FCHO2: variants seen among roughly 807,000 people sequenced by gnomAD.
FCHO2 encodes the protein F-BAR domain only protein 2.
FCHO2 carries 43 observed loss-of-function variants against 114.1 expected under a neutral mutation model. The observed-to-expected ratio is 0.38, with a 90% confidence interval of 0.30 to 0.49. The LOEUF (loss-of-function observed/expected upper bound fraction) is 0.49. FCHO2 is among the 20% of genes least tolerant of loss of function. FCHO2 has a pLI of 0.97. For missense variants in FCHO2, 807 were observed against 950.4 expected, an observed-to-expected ratio of 0.85 and a Z score of 1.98; for synonymous variants, 293 against 315.2, an observed-to-expected ratio of 0.93 and a Z score of 0.75.
At chr5:73,064,401 C>T (rs1757973296) in intron 18 of FCHO2, among the ~76,000 whole-genome samples, 2 of 151,998 alleles carry the variant, frequency 1.3e-5, no homozygotes, top group South Asian at 4.1e-4. Flanking sequence ...AAAGTACATG[C>T]ATGGGTGGGA....
chr5:73,034,988 A>G (rs1756423806), intron 9 of FCHO2, among the ~76,000 whole-genome samples: 1 of 152,190 alleles, frequency 6.6e-6, no homozygotes, highest in African/African-American at 2.4e-5. Flanking sequence ...CTTCATTGAC[A>G]TCCATGTTTA....
At chr5:73,064,995 G>T (rs1352218030) in intron 18 of FCHO2, among the ~76,000 whole-genome samples, 1 of 151,790 alleles carries the variant, frequency 6.6e-6, no homozygotes, top group Non-Finnish European at 1.5e-5. Context: ...ACCTTTACTG[G>T]GCTATTCCTT....
At chr5:73,079,837 A>T (rs1262655687) in intron 22 of FCHO2, among the ~76,000 whole-genome samples, 1 of 152,212 alleles carries the variant, frequency 6.6e-6, no homozygotes, top group Non-Finnish European at 1.5e-5. Flanking sequence ...AGATTAGTAT[A>T]TACACAGGGG....
intron 1 of FCHO2, among the ~76,000 whole-genome samples, chr5:72,958,475 A>G (rs1015585658): frequency 2.6e-5 from 4 of 152,194 alleles, no homozygotes; most frequent in African/African-American, 4.8e-5. Context: ...CCATTGTCAA[A>G]TATCAATCGA....
At chr5:73,081,060 T>A (rs188009375) in intron 22 of FCHO2, among the ~76,000 whole-genome samples, 9 of 152,104 alleles carry the variant, frequency 5.9e-5, no homozygotes, top group Non-Finnish European at 1.3e-4. Context: ...CAGTGAGCCA[T>A]GAGCATGCCA....
rs117880673 is a variant in FCHO2, at chr5:73,008,241, G to T, written c.600+1692G>T. Among the ~76,000 whole-genome samples, 102 of 152,284 alleles carry T rather than the reference G, an allele frequency of 6.7e-4. 2 individuals carry two copies. The East Asian group carries it at 0.018, about 27-fold the overall frequency. Reference sequence around the variant, plus strand: ...TGACATGATCTGATCTACATTTAAAGATAATTCTGGCAGTTTTGGGAAGAA... The same window carrying T: ...TGACATGATCTGATCTACATTTAAATATAATTCTGGCAGTTTTGGGAAGAA... On this transcript the variant is annotated intron_variant, in intron 6 of 25. Coordinates refer to ENST00000430046, the MANE Select transcript of FCHO2 (RefSeq NM_138782.3).
At chr5:73,068,909 TG>T in intron 19 of FCHO2, 130 bp downstream of exon 19, 1 of 1,027,956 alleles carries the variant, frequency 9.7e-7, no homozygotes, top group Non-Finnish European at 1.3e-6. Context: ...GAAACACACC[TG>T]GAATTTATTA....
intron 1 of FCHO2, among the ~76,000 whole-genome samples, chr5:72,965,478 A>C (rs1007316205): frequency 6.6e-6 from 1 of 152,236 alleles, no homozygotes; most frequent in Non-Finnish European, 1.5e-5. Context: ...GATTGCCACA[A>C]ACCTTCAATT....
At chr5:72,989,123 T>C (rs1219030543) in intron 2 of FCHO2, among the ~76,000 whole-genome samples, 1 of 152,108 alleles carries the variant, frequency 6.6e-6, no homozygotes, top group Non-Finnish European at 1.5e-5. Flanking sequence ...GGTGGGAGGA[T>C]TGCTTAAGCC....
At chr5:72,985,308 C>G (rs1753452118) in intron 2 of FCHO2, among the ~76,000 whole-genome samples, 1 of 152,058 alleles carries the variant, frequency 6.6e-6, no homozygotes, top group Admixed American at 6.6e-5. Context: ...ATTGCAGATG[C>G]ATGCCCCCAC....
At chr5:73,051,538 A>G in intron 12 of FCHO2, 132 bp downstream of exon 12, 1 of 604,212 alleles carries the variant, frequency 1.7e-6, no homozygotes. Flanking sequence ...TTGTCATTTG[A>G]CATGTTTTTT....
chr5:73,017,711 G>A (rs1755380756), intron 8 of FCHO2, among the ~76,000 whole-genome samples: 2 of 152,002 alleles, frequency 1.3e-5, no homozygotes, highest in Non-Finnish European at 2.9e-5. Flanking sequence ...TCAGAACATT[G>A]AGACCAACGT....
At chr5:72,995,401 A>G (rs1174964479) in intron 5 of FCHO2, among the ~76,000 whole-genome samples, 1 of 151,924 alleles carries the variant, frequency 6.6e-6, no homozygotes, top group Non-Finnish European at 1.5e-5. Context: ...GATTACAGTC[A>G]TGTGCCACCT....
intron 8 of FCHO2, among the ~76,000 whole-genome samples, chr5:73,030,710 A>G (rs1024246699): frequency 2.0e-5 from 3 of 152,238 alleles, no homozygotes; most frequent in African/African-American, 7.2e-5. Flanking sequence ...AGACCTTCTG[A>G]ATAGAACACT....
chr5:73,042,581 A>G (rs1449560490), intron 11 of FCHO2, among the ~76,000 whole-genome samples: 1 of 152,210 alleles, frequency 6.6e-6, no homozygotes, highest in Non-Finnish European at 1.5e-5. Flanking sequence ...CTAATACTGA[A>G]TAAGAAGTGA....
chr5:73,062,058 G>A (rs1019861621), intron 17 of FCHO2, among the ~76,000 whole-genome samples: 8 of 152,024 alleles, frequency 5.3e-5, no homozygotes, highest in Middle Eastern at 6.8e-3. Flanking sequence ...TATCGCCTAT[G>A]TTTTTTTATA....
intron 1 of FCHO2, among the ~76,000 whole-genome samples, chr5:72,960,225 C>A (rs770006592): frequency 6.6e-6 from 1 of 152,214 alleles, no homozygotes; most frequent in African/African-American, 2.4e-5. Flanking sequence ...GCAGCACATT[C>A]TTCCTTTTTC....
At chr5:73,045,119 C>T (rs1342250388) in intron 11 of FCHO2, among the ~76,000 whole-genome samples, 3 of 151,918 alleles carry the variant, frequency 2.0e-5, no homozygotes, top group Non-Finnish European at 4.4e-5. Context: ...TACTTGTTAC[C>T]CCTTCTTCCT....
chr5:73,044,722 C>A (rs1756974721), intron 11 of FCHO2, among the ~76,000 whole-genome samples: 1 of 151,044 alleles, frequency 6.6e-6, no homozygotes, highest in Non-Finnish European at 1.5e-5. Context: ...GGCCTATGTC[C>A]ACATTCCAAA....
Sources: allele counts gnomAD v4.1 joint callset (sites outside exome capture counted in the v4.1 genomes callset), GRCh38; gene constraint gnomAD v4.1.1; transcripts MANE v1.5; gene names NCBI Gene and HGNC (gene_info 2026-07-23, HGNC 2026-07-21).